The following ZNF804A variants were observed in gnomAD, a reference collection of about 807,000 sequenced individuals.
ZNF804A encodes the protein zinc finger protein 804A.
Under a neutral mutation model 16.5 loss-of-function variants are expected in ZNF804A, and 2 were observed. That is an observed-to-expected ratio of 0.12 (90% confidence interval 0.05 to 0.38). The LOEUF (loss-of-function observed/expected upper bound fraction) is 0.38, where lower values mean the gene tolerates loss of function less well. Ranked by LOEUF, ZNF804A falls within the 10% of genes least tolerant of loss-of-function variation. ZNF804A has a pLI of 0.99. For missense variants in ZNF804A, 1,473 were observed against 1,390.7 expected (o/e 1.06, Z -0.94); for synonymous variants, 534 against 489.6 (o/e 1.09, Z -1.20).
intron 2 of ZNF804A, among the ~76,000 whole-genome samples, chr2:184,894,944 C>T (rs932509721): frequency 3.3e-5 from 5 of 152,196 alleles, no homozygotes; most frequent in Non-Finnish European, 7.4e-5. Flanking sequence ...CCCCCCACGT[C>T]GGCCTCCAAG....
intron 2 of ZNF804A, among the ~76,000 whole-genome samples, chr2:184,888,618 A>C (rs903306743): frequency 6.6e-6 from 1 of 152,190 alleles, no homozygotes; most frequent in Non-Finnish European, 1.5e-5. Context: ...TTTAAACATC[A>C]GTATGTCAGA....
chr2:184,752,757 C>T (rs1460362343), intron 1 of ZNF804A, among the ~76,000 whole-genome samples: 1 of 151,420 alleles, frequency 6.6e-6, no homozygotes, highest in Non-Finnish European at 1.5e-5. Flanking sequence ...AAAATATAGT[C>T]TAATTAACTC....
At chr2:184,674,205 A>T (rs1692384718) in intron 1 of ZNF804A, among the ~76,000 whole-genome samples, 1 of 152,028 alleles carries the variant, frequency 6.6e-6, no homozygotes, top group Admixed American at 6.6e-5. Flanking sequence ...ATGTTAAAAA[A>T]TATTAAATAT....
rs1249673084 is a variant in ZNF804A, at chr2:184,726,306, T to C, written c.111+127236T>C. 2.6e-5 allele frequency among the ~76,000 whole-genome samples: 4 copies of C among 151,772 alleles called. No individual in the cohort carries two copies. In the East Asian group the frequency reaches 7.7e-4, roughly 29 times the overall value. On this transcript the variant is annotated intron_variant, in intron 1 of 3. Transcript: ENST00000302277. The stretch of plus-strand genomic sequence containing the variant: ...CATTTGGTATTGTCACCATTGTTTG[T>C]TTTATTTTAGCTCTTCAAATAGGTA...
chr2:184,856,774 C>T (rs1331243912), intron 1 of ZNF804A, among the ~76,000 whole-genome samples: 4 of 151,918 alleles, frequency 2.6e-5, no homozygotes, highest in Non-Finnish European at 5.9e-5. Flanking sequence ...ATGAAGGACC[C>T]AGTGAATTTT....
intron 1 of ZNF804A, among the ~76,000 whole-genome samples, chr2:184,626,121 G>A (rs1691493520): frequency 6.6e-6 from 1 of 152,114 alleles, no homozygotes; most frequent in Non-Finnish European, 1.5e-5. Context: ...ACACACCTCG[G>A]CCTCCCAAAG....
At chr2:184,930,942 C>G (rs1685688622) in intron 2 of ZNF804A, among the ~76,000 whole-genome samples, 1 of 152,200 alleles carries the variant, frequency 6.6e-6, no homozygotes, top group Admixed American at 6.5e-5. Flanking sequence ...GTTTGACTCA[C>G]AGTTCCACAT....
At chr2:184,724,074 CTTCTAT>C (rs1226988168) in intron 1 of ZNF804A, among the ~76,000 whole-genome samples, 1 of 151,462 alleles carries the variant, frequency 6.6e-6, no homozygotes, top group African/African-American at 2.4e-5. Flanking sequence ...TATTCTTTTA[CTTCTAT>C]TTCTCTTCCT....
intron 1 of ZNF804A, among the ~76,000 whole-genome samples, chr2:184,670,665 AT>A (rs1328532729): frequency 1.3e-5 from 2 of 152,052 alleles, no homozygotes; most frequent in African/African-American, 4.8e-5. Flanking sequence ...TCTTATTTGT[AT>A]GGATGTTATA....
Position 184,598,693 on chromosome 2 carries a change from C to T in ZNF804A, c.-267C>T. On this transcript the variant is annotated 5_prime_UTR_variant, in exon 1 of 4. Transcript: ENST00000302277. ...GGCCCCCTCCTAGGCTGGAATCCTC[C>T]CGCGGGGCTCGTCGTCCCGACGCGA... The T allele has an allele frequency of 3.8e-6, 1 of 261,726 alleles. No individual in the cohort carries two copies. The highest frequency in any genetic ancestry group is 1.1e-3 in the Middle Eastern group (1 of 888). 16.2% of individuals were successfully genotyped at this position (261,726 alleles called of 1,614,324 possible).
intron 1 of ZNF804A, among the ~76,000 whole-genome samples, chr2:184,650,761 T>C (rs1315003082): frequency 1.3e-5 from 2 of 152,126 alleles, no homozygotes; most frequent in Non-Finnish European, 2.9e-5. Context: ...GAAAGGTCTC[T>C]GCAGGGAAAA....
intron 1 of ZNF804A, among the ~76,000 whole-genome samples, chr2:184,842,648 A>G (rs1226653472): frequency 6.6e-6 from 1 of 152,122 alleles, no homozygotes; most frequent in African/African-American, 2.4e-5. Context: ...TTTAAAATAC[A>G]TAACAATGAA....
intron 1 of ZNF804A, among the ~76,000 whole-genome samples, chr2:184,719,678 A>AGGGTCACC (rs1411285207): frequency 6.6e-6 from 1 of 152,140 alleles, no homozygotes; most frequent in African/African-American, 2.4e-5. Flanking sequence ...AAACATATCA[A>AGGGTCACC]GGGTCACCTT....
intron 1 of ZNF804A, among the ~76,000 whole-genome samples, chr2:184,601,172 A>C (rs994705089): frequency 6.6e-5 from 10 of 152,114 alleles, no homozygotes; most frequent in African/African-American, 2.4e-4. Flanking sequence ...ACTGCTTTAC[A>C]AGATAATATA....
At chr2:184,885,614 A>G (rs889072839) in intron 2 of ZNF804A, among the ~76,000 whole-genome samples, 1 of 152,166 alleles carries the variant, frequency 6.6e-6, no homozygotes, top group African/African-American at 2.4e-5. Context: ...GACTGGGAAG[A>G]AAAAGAGGTT....
intron 1 of ZNF804A, among the ~76,000 whole-genome samples, chr2:184,723,765 T>C (rs978324134): frequency 6.6e-6 from 1 of 151,754 alleles, no homozygotes; most frequent in Non-Finnish European, 1.5e-5. Flanking sequence ...GTGTAATCCC[T>C]AGCAAAACTG....
chr2:184,933,305 T>C (rs1299285751), intron 2 of ZNF804A, among the ~76,000 whole-genome samples: 1 of 152,132 alleles, frequency 6.6e-6, no homozygotes, highest in Non-Finnish European at 1.5e-5. Context: ...GAATCCTTCA[T>C]CTGAATTACG....
intron 1 of ZNF804A, among the ~76,000 whole-genome samples, chr2:184,641,928 A>G (rs1340550525): frequency 6.6e-6 from 1 of 152,182 alleles, no homozygotes; most frequent in Non-Finnish European, 1.5e-5. Flanking sequence ...GCTTTGTTAG[A>G]ATATTGAGAG....
chr2:184,599,129 T>C (rs907902089), intron 1 of ZNF804A, 59 bp downstream of exon 1: 6 of 1,352,202 alleles, frequency 4.4e-6, no homozygotes, highest in Non-Finnish European at 6.3e-6. Context: ...TTTGGAAGAT[T>C]GAGTTTTTGG....
Sources: allele counts gnomAD v4.1 joint callset (sites outside exome capture counted in the v4.1 genomes callset), GRCh38; gene constraint gnomAD v4.1.1; transcripts MANE v1.5; gene names NCBI Gene and HGNC (gene_info 2026-07-23, HGNC 2026-07-21).